Variants in FGGY observed in about 807,000 individuals in gnomAD.
The protein encoded by FGGY is FGGY carbohydrate kinase domain-containing protein.
In FGGY, 72 loss-of-function variants were observed where a neutral mutation model predicts 71.3. The observed-to-expected ratio is 1.01, with a 90% CI of 0.84 to 1.23. The LOEUF (loss-of-function observed/expected upper bound fraction) is 1.23. Among genes scored for constraint, FGGY ranks in the 50% most tolerant of loss-of-function variants. The pLI, the probability that FGGY is intolerant of heterozygous loss-of-function variation, is 0.00. For synonymous variants in FGGY, 251 were observed against 250.3 expected (o/e 1.00, Z -0.02); for missense variants, 668 against 682.3 (o/e 0.98, Z 0.23).
intron 13 of FGGY, among the ~76,000 whole-genome samples, chr1:59,668,153 T>A (rs1053232531): frequency 6.6e-5 from 10 of 152,064 alleles, no homozygotes; most frequent in Non-Finnish European, 1.5e-4. Context: ...GGGAGAAGGA[T>A]CCTTAGCAAG....
At chr1:59,694,190 GA>G (rs2097629997) in intron 14 of FGGY, among the ~76,000 whole-genome samples, 1 of 151,730 alleles carries the variant, frequency 6.6e-6, no homozygotes, top group Non-Finnish European at 1.5e-5. Flanking sequence ...TCGGGAGGCT[GA>G]GGCAGGAGAA....
In FGGY at chr1:59,638,222, T is replaced by C; in HGVS notation, c.1074-6T>C. ...CCTTTAAAAATAAAATTCACTTCTC[T>C]TCCAGATGCCAGAGTATATATGCAT... is the stretch of plus-strand genomic sequence containing the variant. On this transcript the variant is annotated splice_polypyrimidine_tract_variant and splice_region_variant and intron_variant, in intron 10 of 15. Transcript: ENST00000303721. 1 of 1,612,122 alleles carries C rather than the reference T, an allele frequency of 6.2e-7. No homozygotes were observed. Among genetic ancestry groups the C allele is most frequent in the Non-Finnish European group, 8.5e-7 (1 of 1,179,044 alleles).
chr1:59,338,799 TTTAC>T (rs1168878739), intron 2 of FGGY, among the ~76,000 whole-genome samples: 2 of 152,316 alleles, frequency 1.3e-5, no homozygotes, highest in East Asian at 1.9e-4. Flanking sequence ...TATATATAAC[TTTAC>T]TTACTTTTGC....
intron 9 of FGGY, among the ~76,000 whole-genome samples, chr1:59,620,082 T>A (rs2096793317): frequency 6.6e-6 from 1 of 151,884 alleles, no homozygotes. Flanking sequence ...TGTTATGGAG[T>A]CAGAGGGAGG....
chr1:59,736,144 G>A (rs1003045897), intron 14 of FGGY, among the ~76,000 whole-genome samples: 1 of 152,190 alleles, frequency 6.6e-6, no homozygotes, highest in African/African-American at 2.4e-5. Flanking sequence ...CATGTAAGGT[G>A]TGACTTGCTC....
intron 14 of FGGY, among the ~76,000 whole-genome samples, chr1:59,684,433 G>T (rs1019166337): frequency 6.6e-6 from 1 of 152,132 alleles, no homozygotes; most frequent in South Asian, 2.1e-4. Flanking sequence ...CCTTTGGCTG[G>T]TGACGGAGCT....
At chr1:59,697,329 C>G (rs1034995290) in intron 14 of FGGY, among the ~76,000 whole-genome samples, 1 of 152,178 alleles carries the variant, frequency 6.6e-6, no homozygotes, top group Non-Finnish European at 1.5e-5. Context: ...TGAAACTTTA[C>G]CCGTTAAACA....
At chr1:59,562,502 T>A (rs1178564355) in intron 8 of FGGY, among the ~76,000 whole-genome samples, 1 of 152,204 alleles carries the variant, frequency 6.6e-6, no homozygotes, top group East Asian at 1.9e-4. Context: ...CTTTGCCATG[T>A]TCCTGGTGGA....
intron 11 of FGGY, among the ~76,000 whole-genome samples, chr1:59,655,951 A>G (rs1157812034): frequency 6.6e-6 from 1 of 152,196 alleles, no homozygotes; most frequent in Non-Finnish European, 1.5e-5. Flanking sequence ...TTCAATTGGC[A>G]TACACCGCTA....
intron 2 of FGGY, among the ~76,000 whole-genome samples, chr1:59,326,337 A>G (rs1272338478): frequency 1.3e-5 from 2 of 152,242 alleles, no homozygotes; most frequent in African/African-American, 4.8e-5. Context: ...TCTTGGTGCT[A>G]TCTATATGAG....
chr1:59,538,192 C>T (rs1174134704), intron 7 of FGGY, among the ~76,000 whole-genome samples: 2 of 152,184 alleles, frequency 1.3e-5, no homozygotes, highest in African/African-American at 4.8e-5. Context: ...GGGACATAAA[C>T]AGACACTTCT....
intron 9 of FGGY, among the ~76,000 whole-genome samples, chr1:59,622,430 C>T (rs72919620): frequency 1.3e-5 from 2 of 152,008 alleles, no homozygotes; most frequent in Non-Finnish European, 2.9e-5. Context: ...TTCTGTTTCT[C>T]TTTTGAGTAT....
chr1:59,733,058 C>T (rs2098056373), intron 14 of FGGY, among the ~76,000 whole-genome samples: 1 of 152,100 alleles, frequency 6.6e-6, no homozygotes, highest in Non-Finnish European at 1.5e-5. Context: ...GCTACTACTA[C>T]TTACAGGCCT....
At chr1:59,366,894 C>A (rs564123476) in intron 4 of FGGY, among the ~76,000 whole-genome samples, 72 of 152,108 alleles carry the variant, frequency 4.7e-4, no homozygotes, top group Middle Eastern at 6.8e-3. Flanking sequence ...GTAGAGATAC[C>A]AGCTGTAACA....
intron 5 of FGGY, among the ~76,000 whole-genome samples, chr1:59,408,213 T>A (rs2063053113): frequency 6.6e-6 from 1 of 152,204 alleles, no homozygotes; most frequent in African/African-American, 2.4e-5. Flanking sequence ...AATGGGACAT[T>A]GCATAAATAG....
intron 14 of FGGY, among the ~76,000 whole-genome samples, chr1:59,686,359 G>A (rs557918727): frequency 5.0e-4 from 76 of 152,162 alleles, no homozygotes; most frequent in Admixed American, 5.9e-4. Context: ...CCCGTCAATC[G>A]AGAAGGGCAA....
At chr1:59,417,846 T>C (rs1460170155) in intron 5 of FGGY, among the ~76,000 whole-genome samples, 1 of 152,240 alleles carries the variant, frequency 6.6e-6, no homozygotes. Context: ...TTAATTAACT[T>C]TAAGTAAAAT....
intron 5 of FGGY, among the ~76,000 whole-genome samples, chr1:59,454,239 G>T (rs1034649892): frequency 2.0e-5 from 3 of 152,158 alleles, no homozygotes; most frequent in Non-Finnish European, 2.9e-5. Flanking sequence ...TACCCTGTGT[G>T]ATTGGATCAT....
upstream of FGGY, chr1:59,296,946 G>T (rs1384776019): frequency 1.3e-5 from 2 of 152,610 alleles, no homozygotes; most frequent in African/African-American, 4.8e-5. Flanking sequence ...GGGCGCTGGG[G>T]GCTTTTGCTG....
Sources: allele counts gnomAD v4.1 joint callset (sites outside exome capture counted in the v4.1 genomes callset), GRCh38; gene constraint gnomAD v4.1.1; transcripts MANE v1.5; gene names NCBI Gene and HGNC (gene_info 2026-07-23, HGNC 2026-07-21).